The following ASCC3 variants were observed in gnomAD, a reference collection of about 807,000 sequenced individuals.
ASCC3 encodes the protein activating signal cointegrator 1 complex subunit 3.
ASCC3 carries 158 observed loss-of-function variants against 256.3 expected under a neutral mutation model. The observed-to-expected ratio is 0.62, with a 90% CI of 0.54 to 0.70. The LOEUF (loss-of-function observed/expected upper bound fraction) is 0.70, where lower values mean the gene tolerates loss of function less well. Among genes scored for constraint, ASCC3 ranks in the 30% least tolerant of loss-of-function variants. The pLI is 0.00. For synonymous variants in ASCC3, 948 were observed against 883.4 expected (o/e 1.07, Z -1.30); for missense variants, 2,259 against 2,626.0 (o/e 0.86, Z 3.05).
At chr6:100,805,367 G>A (rs1049521539) in intron 5 of ASCC3, among the ~76,000 whole-genome samples, 3 of 152,068 alleles carry the variant, frequency 2.0e-5, no homozygotes, top group African/African-American at 4.8e-5. Context: ...AAAGGGGAGC[G>A]AGAGGGAGTA....
chr6:100,665,965 C>G (rs1776452999), intron 14 of ASCC3, among the ~76,000 whole-genome samples: 1 of 152,048 alleles, frequency 6.6e-6, no homozygotes, highest in East Asian at 1.9e-4. Context: ...CATGCTATTT[C>G]TTTATAGTTA....
chr6:100,858,877 G>A, intron 3 of ASCC3: 1 of 480,274 alleles, frequency 2.1e-6, no homozygotes, highest in Non-Finnish European at 3.6e-6. Flanking sequence ...TCTGATTCAA[G>A]AGTCAATCAA....
intron 10 of ASCC3, among the ~76,000 whole-genome samples, chr6:100,733,044 A>C (rs1779983065): frequency 6.6e-6 from 1 of 152,226 alleles, no homozygotes; most frequent in Admixed American, 6.5e-5. Flanking sequence ...AATAAGGTTT[A>C]GTAAAGTGAT....
intron 10 of ASCC3, among the ~76,000 whole-genome samples, chr6:100,734,953 C>A (rs1582780767): frequency 6.6e-6 from 1 of 152,042 alleles, no homozygotes; most frequent in East Asian, 1.9e-4. Flanking sequence ...ATACCAGAAC[C>A]ATCATTTCCA....
chr6:100,741,667 C>T (rs1780442388), intron 10 of ASCC3, among the ~76,000 whole-genome samples: 1 of 152,114 alleles, frequency 6.6e-6, no homozygotes, highest in Admixed American at 6.5e-5. Flanking sequence ...TCTGCTTGGT[C>T]TATTCTGCTA....
At chr6:100,622,783 C>T (rs926731813) in intron 30 of ASCC3, among the ~76,000 whole-genome samples, 46 of 151,762 alleles carry the variant, frequency 3.0e-4, no homozygotes, top group Admixed American at 1.9e-3. Context: ...TAGTTTCTAC[C>T]TAGCCTTGTG....
chr6:100,509,328 G>A lies in ASCC3; in HGVS notation c.*58C>T. On this transcript the variant is annotated 3_prime_UTR_variant, in exon 42 of 42. Transcript: ENST00000369162. ...AACATCAAGTAATTCGATTTGTCTA[G>A]ATGACTGAACAGAGAGAATTCTTAG... The A allele has an allele frequency of 6.2e-7, 1 of 1,602,206 alleles. No individual in the cohort carries two copies. The highest frequency in any genetic ancestry group is 2.2e-5 in the East Asian group (1 of 44,744).
At chr6:100,854,509 T>C (rs957854397) in intron 3 of ASCC3, among the ~76,000 whole-genome samples, 1 of 151,974 alleles carries the variant, frequency 6.6e-6, no homozygotes, top group African/African-American at 2.4e-5. Flanking sequence ...GATGAACAAA[T>C]AAAGGAAAGC....
chr6:100,789,388 A>C (rs1189264024), intron 8 of ASCC3, among the ~76,000 whole-genome samples: 3 of 151,948 alleles, frequency 2.0e-5, no homozygotes, highest in Non-Finnish European at 4.4e-5. Flanking sequence ...AGTGCTTTTA[A>C]AAACAGGTTC....
At chr6:100,532,523 A>G (rs1363241593) in intron 37 of ASCC3, among the ~76,000 whole-genome samples, 1 of 150,780 alleles carries the variant, frequency 6.6e-6, no homozygotes, top group African/African-American at 2.4e-5. Context: ...TTTCTTAAAC[A>G]TTGCCGTAAG....
At chr6:100,743,077 G>C (rs935708971) in intron 10 of ASCC3, among the ~76,000 whole-genome samples, 1 of 152,212 alleles carries the variant, frequency 6.6e-6, no homozygotes, top group African/African-American at 2.4e-5. Flanking sequence ...GGCTCTGGTA[G>C]AGTGGGTTCA....
chr6:100,616,437 T>C (rs1773666940), intron 30 of ASCC3, among the ~76,000 whole-genome samples: 1 of 152,262 alleles, frequency 6.6e-6, no homozygotes. Context: ...TGTAAAATTA[T>C]AATTGGCACA....
intron 36 of ASCC3, among the ~76,000 whole-genome samples, chr6:100,585,351 C>T (rs1448474201): frequency 1.3e-5 from 2 of 152,168 alleles, no homozygotes; most frequent in East Asian, 1.9e-4. Context: ...CGCTGATACC[C>T]TTTCTTCCAG....
At chr6:100,625,780 G>A (rs1182945293) in intron 29 of ASCC3, among the ~76,000 whole-genome samples, 6 of 152,066 alleles carry the variant, frequency 3.9e-5, no homozygotes, top group Non-Finnish European at 8.8e-5. Flanking sequence ...GTCAAGTGAC[G>A]GAAAATGTCT....
chr6:100,692,707 A>G (rs908609652), intron 13 of ASCC3, among the ~76,000 whole-genome samples: 1 of 151,994 alleles, frequency 6.6e-6, no homozygotes, highest in Non-Finnish European at 1.5e-5. Context: ...GTGGGAAAAA[A>G]CTTTGAAATG....
rs201512062 is a variant in ASCC3, at chr6:100,766,688, T to C, written c.1614A>G (p.Pro538=). Residue 538 remains proline (P), a synonymous_variant, in exon 10 of 42, where the codon CCA becomes CCG. Transcript: ENST00000369162. Reference sequence around the variant, plus strand: ...TCATTTCAGCTGCCAAGGCTTTCATTGGAGCAACATATACAATCTATACCA... The same window carrying C: ...TCATTTCAGCTGCCAAGGCTTTCATCGGAGCAACATATACAATCTATACCA... The part of the protein sequence containing the change: ...KNEFKIVYVA[P]MKALAAEMTD... The C allele has an allele frequency of 1.6e-5, 26 of 1,614,040 alleles. No individual in the cohort carries two copies. The highest frequency in any genetic ancestry group is 1.4e-5 in the Non-Finnish European group (16 of 1,179,948).
chr6:100,826,234 C>T (rs1209578964), intron 4 of ASCC3, among the ~76,000 whole-genome samples: 1 of 151,946 alleles, frequency 6.6e-6, no homozygotes, highest in African/African-American at 2.4e-5. Context: ...CGGATTCAAG[C>T]AATTCTCCTG....
At chr6:100,781,683 C>T (rs942007865) in intron 8 of ASCC3, among the ~76,000 whole-genome samples, 3 of 151,788 alleles carry the variant, frequency 2.0e-5, no homozygotes, top group Non-Finnish European at 4.4e-5. Context: ...CCACCGCGCC[C>T]GGCCAGTACA....
chr6:100,519,038 CAA>C (rs1221321047), intron 37 of ASCC3, among the ~76,000 whole-genome samples: 1 of 152,010 alleles, frequency 6.6e-6, no homozygotes, highest in Non-Finnish European at 1.5e-5. Context: ...ATAAAATGTA[CAA>C]AATCTGTTGT....
Sources: allele counts gnomAD v4.1 joint callset (sites outside exome capture counted in the v4.1 genomes callset), GRCh38; gene constraint gnomAD v4.1.1; transcripts MANE v1.5; gene names NCBI Gene and HGNC (gene_info 2026-07-23, HGNC 2026-07-21).